The following RBFOX1 variants were observed in gnomAD, a reference collection of about 807,000 sequenced individuals.
RBFOX1 encodes the protein RNA binding fox-1 homolog 1, also known as RNA binding protein fox-1 homolog 1.
RBFOX1 carries 8 observed loss-of-function variants against 57.7 expected under a neutral mutation model. The ratio of observed to expected loss-of-function variants is 0.14; its 90% confidence interval spans 0.08 to 0.25. The LOEUF (loss-of-function observed/expected upper bound fraction) is 0.25, where lower values mean the gene tolerates loss of function less well. Ranked by LOEUF, RBFOX1 falls within the 10% of genes least tolerant of loss-of-function variation. The probability of loss-of-function intolerance (pLI) is 1.00; values close to 1 mark genes in which losing one functional copy is unlikely to be tolerated. For synonymous variants in RBFOX1, 326 were observed against 222.4 expected, an observed-to-expected ratio of 1.47 and a Z score of -4.15; for missense variants, 611 against 548.5, an observed-to-expected ratio of 1.11 and a Z score of -1.14.
chr16:6,432,580 G>T (rs566910129), intron 2 of RBFOX1, among the ~76,000 whole-genome samples: 8 of 152,160 alleles, frequency 5.3e-5, no homozygotes, highest in Admixed American at 5.2e-4. Flanking sequence ...TTCTGGGGAG[G>T]CTGAGGCACA....
chr16:5,702,895 T>C (rs2051103056), intron 3 of RBFOX1, among the ~76,000 whole-genome samples: 1 of 152,178 alleles, frequency 6.6e-6, no homozygotes, highest in Non-Finnish European at 1.5e-5. Context: ...ATATGGGGAA[T>C]AGGGGATACT....
chr16:7,296,295 C>T (rs561782293), intron 4 of RBFOX1, among the ~76,000 whole-genome samples: 50 of 127,798 alleles, frequency 3.9e-4, no homozygotes, highest in Admixed American at 1.3e-3. Flanking sequence ...GTGTAAAATG[C>T]TGTTTCTTTT....
At chr16:6,075,501 A>G (rs1331074732) in intron 1 of RBFOX1, among the ~76,000 whole-genome samples, 1 of 152,236 alleles carries the variant, frequency 6.6e-6, no homozygotes, top group Non-Finnish European at 1.5e-5. Context: ...TATACTGTGT[A>G]CCTTATAATA....
intron 3 of RBFOX1, among the ~76,000 whole-genome samples, chr16:5,636,021 C>A (rs775950399): frequency 4.6e-4 from 69 of 151,296 alleles, no homozygotes; most frequent in Middle Eastern, 6.8e-3. Flanking sequence ...CTAGTCTGGG[C>A]AACATAGTGG....
chr16:5,679,470 A>T (rs909694772), intron 3 of RBFOX1, among the ~76,000 whole-genome samples: 8 of 151,960 alleles, frequency 5.3e-5, no homozygotes, highest in Non-Finnish European at 1.0e-4. Context: ...CCCTGCCTGC[A>T]TTAGGTATTT....
chr16:7,357,889 C>G (rs148310698), intron 4 of RBFOX1, among the ~76,000 whole-genome samples: 1 of 152,150 alleles, frequency 6.6e-6, no homozygotes, highest in African/African-American at 2.4e-5. Flanking sequence ...AGTTTTGGTT[C>G]CTCTTTAATT....
intron 2 of RBFOX1, among the ~76,000 whole-genome samples, chr16:6,599,600 C>A (rs2097824058): frequency 6.6e-6 from 1 of 152,136 alleles, no homozygotes; most frequent in African/African-American, 2.4e-5. Context: ...GATTTTCCCC[C>A]GTGTAAATCA....
intron 3 of RBFOX1, among the ~76,000 whole-genome samples, chr16:6,814,421 C>G (rs1474363908): frequency 6.6e-6 from 1 of 152,070 alleles, no homozygotes; most frequent in Non-Finnish European, 1.5e-5. Flanking sequence ...GTGTGTCAAG[C>G]CTGACATTGG....
intron 1 of RBFOX1, among the ~76,000 whole-genome samples, chr16:6,249,294 A>C (rs975375257): frequency 2.0e-5 from 3 of 152,182 alleles, no homozygotes; most frequent in African/African-American, 7.2e-5. Flanking sequence ...TGGGAGGCCG[A>C]GGCAGATGGA....
chr16:6,270,570 C>T (rs1052934086), intron 1 of RBFOX1, among the ~76,000 whole-genome samples: 1 of 151,272 alleles, frequency 6.6e-6, no homozygotes, highest in Non-Finnish European at 1.5e-5. Flanking sequence ...AAACACAGAG[C>T]TACACAATAT....
chr16:5,409,034 A>G (rs1006028539), intron 1 of RBFOX1, among the ~76,000 whole-genome samples: 2 of 152,090 alleles, frequency 1.3e-5, no homozygotes, highest in African/African-American at 4.8e-5. Context: ...ACCTGTGGCT[A>G]TCTCACGCTG....
intron 3 of RBFOX1, among the ~76,000 whole-genome samples, chr16:6,665,004 C>T (rs1181469253): frequency 9.9e-5 from 15 of 152,122 alleles, no homozygotes; most frequent in Non-Finnish European, 2.2e-4. Flanking sequence ...AGGGCATTTT[C>T]AATTGTCATA....
At chr16:7,113,980 C>T (rs145038556) in intron 4 of RBFOX1, among the ~76,000 whole-genome samples, 34 of 152,214 alleles carry the variant, frequency 2.2e-4, no homozygotes, top group African/African-American at 8.2e-4. Context: ...CCTTTTGCAT[C>T]GTGAGTGCTT....
chr16:6,517,033 G>A (rs868318996), intron 2 of RBFOX1, among the ~76,000 whole-genome samples: 3 of 152,144 alleles, frequency 2.0e-5, no homozygotes, highest in Non-Finnish European at 4.4e-5. Flanking sequence ...TCAACATAAT[G>A]AATGTTCCTT....
chr16:6,637,343 A>G (rs1477269943), intron 2 of RBFOX1, among the ~76,000 whole-genome samples: 1 of 87,636 alleles, frequency 1.1e-5, no homozygotes, highest in African/African-American at 5.8e-5. Context: ...ATATACAAAT[A>G]TATATTATAT....
intron 4 of RBFOX1, among the ~76,000 whole-genome samples, chr16:7,091,833 T>A (rs562403613): frequency 6.6e-6 from 1 of 152,220 alleles, no homozygotes; most frequent in African/African-American, 2.4e-5. Flanking sequence ...ATGGCCTGAT[T>A]TGTAGATTCT....
At chr16:7,591,728 T>C (rs569610774) in intron 7 of RBFOX1, among the ~76,000 whole-genome samples, 21 of 152,278 alleles carry the variant, frequency 1.4e-4, no homozygotes, top group Admixed American at 8.5e-4. Context: ...CAGTTACACA[T>C]CAGCATCACA....
intron 2 of RBFOX1, among the ~76,000 whole-genome samples, chr16:5,505,862 C>A (rs28406133): frequency 2.0e-5 from 3 of 152,036 alleles, no homozygotes; most frequent in Admixed American, 6.5e-5. Flanking sequence ...GGGATGAAGC[C>A]TCACCCTGCC....
chr16:6,460,568 A>G (rs1352088511), intron 2 of RBFOX1, among the ~76,000 whole-genome samples: 1 of 152,200 alleles, frequency 6.6e-6, no homozygotes, highest in East Asian at 1.9e-4. Flanking sequence ...ACCAGTCAGA[A>G]TGGCGATTAT....
Sources: allele counts gnomAD v4.1 joint callset (sites outside exome capture counted in the v4.1 genomes callset), GRCh38; gene constraint gnomAD v4.1.1; transcripts MANE v1.5; gene names NCBI Gene and HGNC (gene_info 2026-07-23, HGNC 2026-07-21).